Variants in PBLD observed in about 807,000 individuals in gnomAD.
PBLD encodes phenazine biosynthesis-like domain-containing protein.
Under a neutral mutation model 31.3 loss-of-function variants are expected in PBLD, and 26 were observed. The observed-to-expected ratio is 0.83, with a 90% CI of 0.61 to 1.15. PBLD has a LOEUF of 1.15. Among genes scored for constraint, PBLD ranks in the 50% most tolerant of loss-of-function variants. The pLI is 0.00. For synonymous variants in PBLD, 114 were observed against 129.0 expected, an observed-to-expected ratio of 0.88 and a Z score of 0.79; for missense variants, 307 against 351.7, an observed-to-expected ratio of 0.87 and a Z score of 1.02.
intron 1 of PBLD, among the ~76,000 whole-genome samples, chr10:68,311,666 C>T (rs931249451): frequency 3.4e-5 from 5 of 148,122 alleles, no homozygotes; most frequent in South Asian, 2.1e-4. Flanking sequence ...GCAGGAGGAG[C>T]GCTTGAACCC....
intron 1 of PBLD, among the ~76,000 whole-genome samples, chr10:68,327,808 AGTAGC>A (rs1396442576): frequency 3.9e-5 from 6 of 152,298 alleles, no homozygotes; most frequent in African/African-American, 1.4e-4. Context: ...AAATTATTTA[AGTAGC>A]TATCTTTTTA....
At chr10:68,304,564 T>C (rs1213389700) in intron 2 of PBLD, among the ~76,000 whole-genome samples, 1 of 151,944 alleles carries the variant, frequency 6.6e-6, no homozygotes, top group African/African-American at 2.4e-5. Flanking sequence ...GAGAGATAGG[T>C]AGAAAGAGAG....
intron 8 of PBLD, chr10:68,286,993 G>A (rs2134420940): frequency 6.6e-6 from 1 of 152,152 alleles, no homozygotes; most frequent in South Asian, 2.1e-4. Context: ...GCCTGGCATG[G>A]TGGCAGTTGC....
chr10:68,291,591 C>T (rs2044359093), intron 6 of PBLD, among the ~76,000 whole-genome samples: 1 of 152,190 alleles, frequency 6.6e-6, no homozygotes, highest in Non-Finnish European at 1.5e-5. Flanking sequence ...CCAACTTTCA[C>T]ACCTGAACTT....
chr10:68,298,720 T>C (rs2044464111), intron 2 of PBLD, among the ~76,000 whole-genome samples: 1 of 150,716 alleles, frequency 6.6e-6, no homozygotes, highest in African/African-American at 2.4e-5. Flanking sequence ...AGCACTTAAG[T>C]CAAGGTTTAT....
At chr10:68,308,571 C>T (rs763237198) in intron 1 of PBLD, among the ~76,000 whole-genome samples, 1 of 140,626 alleles carries the variant, frequency 7.1e-6, no homozygotes, top group East Asian at 2.6e-4. Context: ...TTTTTGGAGA[C>T]AGAGTCTTAC....
At chr10:68,330,098 G>A (rs2044995587) in intron 1 of PBLD, among the ~76,000 whole-genome samples, 2 of 151,966 alleles carry the variant, frequency 1.3e-5, no homozygotes, top group South Asian at 4.1e-4. Context: ...CAGCATCCTT[G>A]TTTGGTTTTC....
chr10:68,319,629 G>A (rs796952246), intron 1 of PBLD, among the ~76,000 whole-genome samples: 10 of 152,114 alleles, frequency 6.6e-5, no homozygotes, highest in African/African-American at 2.4e-4. Context: ...GCTGAGGCAG[G>A]AGAATCACTT....
At chr10:68,307,755 T>C (rs528495489) in intron 1 of PBLD, among the ~76,000 whole-genome samples, 1 of 152,242 alleles carries the variant, frequency 6.6e-6, no homozygotes, top group South Asian at 2.1e-4. Flanking sequence ...CGCCTCGGCC[T>C]CCCAAAGTGC....
At chr10:68,298,462 A>T (rs61857262) in intron 2 of PBLD, among the ~76,000 whole-genome samples, 1 of 152,092 alleles carries the variant, frequency 6.6e-6, no homozygotes, top group Non-Finnish European at 1.5e-5. Context: ...ACCTGACTCT[A>T]AAAAAATTTT....
At chr10:68,284,957 A>T in intron 9 of PBLD, 1 of 982,686 alleles carries the variant, frequency 1.0e-6, no homozygotes, top group Non-Finnish European at 1.2e-6. Flanking sequence ...GCAATACATT[A>T]ATCACTAGGG....
chr10:68,301,735 TAGCCAA>T, intron 2 of PBLD, among the ~76,000 whole-genome samples: 1 of 152,326 alleles, frequency 6.6e-6, no homozygotes, highest in Admixed American at 6.5e-5. Flanking sequence ...TCCTACATTG[TAGCCAA>T]GCTCACCATC....
intron 2 of PBLD, among the ~76,000 whole-genome samples, chr10:68,300,391 G>A (rs2044490115): frequency 6.6e-6 from 1 of 152,162 alleles, no homozygotes; most frequent in Non-Finnish European, 1.5e-5. Context: ...TACAGACAGG[G>A]AAAACAAACG....
intron 4 of PBLD, among the ~76,000 whole-genome samples, chr10:68,292,839 A>G (rs1174621713): frequency 6.6e-6 from 1 of 152,034 alleles, no homozygotes; most frequent in African/African-American, 2.4e-5. Flanking sequence ...TTCCTCATCT[A>G]TAAAATGAGG....
intron 1 of PBLD, among the ~76,000 whole-genome samples, chr10:68,326,472 T>A (rs1454576274): frequency 6.6e-6 from 1 of 152,216 alleles, no homozygotes; most frequent in Non-Finnish European, 1.5e-5. Context: ...GCACATTACA[T>A]CGGAAATATT....
chr10:68,296,771 A>T, intron 3 of PBLD, 115 bp downstream of exon 3: 1 of 895,672 alleles, frequency 1.1e-6, no homozygotes, highest in Non-Finnish European at 1.8e-6. Context: ...CGGGAGGCTG[A>T]GGCACAATAA....
At chr10:68,306,487 A>T (rs544594826) in intron 2 of PBLD, among the ~76,000 whole-genome samples, 1 of 152,198 alleles carries the variant, frequency 6.6e-6, no homozygotes, top group Non-Finnish European at 1.5e-5. Flanking sequence ...TGAAAACCTG[A>T]TGGCTAAAAG....
intron 1 of PBLD, among the ~76,000 whole-genome samples, chr10:68,315,601 A>G (rs2044727240): frequency 6.6e-6 from 1 of 151,988 alleles, no homozygotes; most frequent in Admixed American, 6.6e-5. Flanking sequence ...ACAAGAAAAA[A>G]AAAGCTCTGA....
rs372551337 is a variant in PBLD at position 68,326,065 on chromosome 10, T to A, written c.-60+6719A>T. 3.3e-5 allele frequency among the ~76,000 whole-genome samples: 5 copies of A among 152,240 alleles called. No homozygotes were observed. The East Asian group carries it at 9.6e-4, about 29-fold the overall frequency. On this transcript the variant is annotated intron_variant, in intron 1 of 9. Transcript: ENST00000358769. ...TTATAGAATGTACTTGATTTTTCTGTTTTGTTTTGTTTTTGTTTTTTGAGA... is the reference window on the plus strand; with the variant it reads ...TTATAGAATGTACTTGATTTTTCTGATTTGTTTTGTTTTTGTTTTTTGAGA...
Sources: allele counts gnomAD v4.1 joint callset (sites outside exome capture counted in the v4.1 genomes callset), GRCh38; gene constraint gnomAD v4.1.1; transcripts MANE v1.5; gene names NCBI Gene and HGNC (gene_info 2026-07-23, HGNC 2026-07-21).